NXN: variants seen among roughly 807,000 people sequenced by gnomAD.
The protein encoded by NXN is nucleoredoxin.
NXN carries 16 observed loss-of-function variants against 48.6 expected under a neutral mutation model. The observed-to-expected ratio is 0.33, with a 90% CI of 0.22 to 0.50. NXN has a LOEUF of 0.50. Ranked by LOEUF, NXN falls within the 20% of genes least tolerant of loss-of-function variation. NXN has a pLI of 0.98. For synonymous variants in NXN, 281 were observed against 269.6 expected (o/e 1.04, Z -0.41); for missense variants, 492 against 605.5 (o/e 0.81, Z 1.97).
chr17:970,461 A>G (rs189548698), intron 1 of NXN, among the ~76,000 whole-genome samples: 1 of 152,246 alleles, frequency 6.6e-6, no homozygotes, highest in East Asian at 1.9e-4. Flanking sequence ...CTTAGAAAAA[A>G]AAACACCACC....
chr17:901,045 C>T lies in NXN; in HGVS notation c.361-74967G>A, dbSNP rs146242827. Among the ~76,000 whole-genome samples the T allele has an allele frequency of 5.3e-5, 8 of 151,676 alleles. No individual in the cohort carries two copies. The East Asian group carries it at 7.8e-4, about 15-fold the overall frequency. ...AAGTGATTCTCGTGCCTCAGCCTCC[C>T]GAGTAGCTGGGATTGCAGGCATCCA... On this transcript the variant is annotated intron_variant, in intron 1 of 7. Coordinates refer to ENST00000336868, the MANE Select transcript of NXN (RefSeq NM_022463.5).
At chr17:944,141 A>G (rs2069015517) in intron 1 of NXN, among the ~76,000 whole-genome samples, 1 of 151,906 alleles carries the variant, frequency 6.6e-6, no homozygotes, top group South Asian at 2.1e-4. Context: ...CGGGAGGCTG[A>G]GACAGGAGAA....
chr17:812,769 T>G (rs1313581565), intron 5 of NXN, among the ~76,000 whole-genome samples: 1 of 145,098 alleles, frequency 6.9e-6, no homozygotes, highest in Non-Finnish European at 1.5e-5. Context: ...TATGTGTGAG[T>G]GTAGGTGTGT....
Position 839,894 on chromosome 17 carries a change from C to T in NXN, c.361-13816G>A, listed in dbSNP as rs962766797. 7.3e-5 allele frequency among the ~76,000 whole-genome samples: 11 copies of T among 150,690 alleles called. 1 individual carries two copies. Among genetic ancestry groups the T allele is most frequent in the Admixed American group, 6.0e-4 (9 of 15,042 alleles). On this transcript the variant is annotated intron_variant, in intron 1 of 7. Coordinates refer to ENST00000336868, the MANE Select transcript of NXN (RefSeq NM_022463.5). ...GGCAGATTACCTGAGGTCAGGAGTT[C>T]GAGACCAGCCTGGCCAACATGGTGA...
intron 1 of NXN, among the ~76,000 whole-genome samples, chr17:907,330 G>A (rs1031093073): frequency 2.9e-5 from 4 of 136,086 alleles, no homozygotes; most frequent in African/African-American, 1.1e-4. Context: ...GAGAAGTGAT[G>A]TCTCAATACC....
At chr17:823,514 C>G in intron 3 of NXN, 118 bp downstream of exon 3, 1 of 1,178,568 alleles carries the variant, frequency 8.5e-7, no homozygotes. Context: ...CAGGAGAAGG[C>G]CAGAAGGCCG....
At chr17:940,374 G>A (rs560634131) in intron 1 of NXN, among the ~76,000 whole-genome samples, 5 of 152,118 alleles carry the variant, frequency 3.3e-5, no homozygotes, top group Admixed American at 1.3e-4. Flanking sequence ...GATTACAGGC[G>A]TGAGCCATTG....
chr17:898,535 G>A lies in NXN; in HGVS notation c.361-72457C>T, dbSNP rs148239435. 8.8e-5 allele frequency among the ~76,000 whole-genome samples: 6 copies of A among 68,012 alleles called. 2 individuals carry two copies. Among genetic ancestry groups the A allele is most frequent in the Non-Finnish European group, 1.8e-4 (4 of 22,268 alleles). The allele number at this position is 68,012 out of a possible 152,430, so 44.6% of individuals were successfully genotyped here. A position where few individuals can be genotyped will look rare whatever the true frequency, so the allele number is the denominator to read the frequency against. On this transcript the variant is annotated intron_variant, in intron 1 of 7. Coordinates refer to ENST00000336868, the MANE Select transcript of NXN (RefSeq NM_022463.5). ...TTTACCTACTAACTCTTACTCTGCC[G>A]TCAGGAACTCGTCCGGACGCCATCT...
At chr17:824,186 C>G (rs141020592) in intron 2 of NXN, among the ~76,000 whole-genome samples, 25,571 of 151,988 alleles carry the variant, frequency 0.17, 2,186 homozygotes, top group Non-Finnish European at 0.17. Flanking sequence ...ACTACAGGTG[C>G]CCGCCACCAG....
In NXN at chr17:811,377, C is replaced by T. The variant is rs138646420; in HGVS notation, c.821-6130G>A. ...CAAAGAGTGCCGTGCTCCCTGGCAG[C>T]CGAGGATGACTCAGACAACTGCTAA... On this transcript the variant is annotated intron_variant, in intron 5 of 7. Transcript: ENST00000336868. 6.6e-5 allele frequency among the ~76,000 whole-genome samples: 10 copies of T among 152,350 alleles called. No homozygotes were observed. In the East Asian group the frequency reaches 1.9e-3, roughly 29 times the overall value.
intron 1 of NXN, among the ~76,000 whole-genome samples, chr17:978,000 T>C (rs1451779861): frequency 1.3e-5 from 2 of 152,230 alleles, no homozygotes; most frequent in African/African-American, 4.8e-5. Flanking sequence ...ACTTTAAATC[T>C]CGAATCTCTA....
intron 1 of NXN, among the ~76,000 whole-genome samples, chr17:868,445 A>C (rs1298665862): frequency 6.6e-6 from 1 of 151,114 alleles, no homozygotes; most frequent in Non-Finnish European, 1.5e-5. Context: ...CTCCCCAAGC[A>C]CAGAAACTAC....
At chr17:962,760 T>C (rs975815858) in intron 1 of NXN, among the ~76,000 whole-genome samples, 3 of 152,108 alleles carry the variant, frequency 2.0e-5, no homozygotes, top group Admixed American at 1.3e-4. Context: ...TTTGTCCCCA[T>C]ATACATCTGA....
intron 1 of NXN, among the ~76,000 whole-genome samples, chr17:883,885 G>T (rs908065736): frequency 1.3e-5 from 2 of 152,140 alleles, no homozygotes; most frequent in African/African-American, 2.4e-5. Flanking sequence ...GCCAGCCTGA[G>T]CAACATATGC....
At chr17:813,229 C>T (rs1168876732) in intron 5 of NXN, among the ~76,000 whole-genome samples, 1 of 152,246 alleles carries the variant, frequency 6.6e-6, no homozygotes, top group Non-Finnish European at 1.5e-5. Flanking sequence ...TCGGCCCAGC[C>T]TGGCCACATT....
At chr17:968,150 T>C (rs2069329029) in intron 1 of NXN, among the ~76,000 whole-genome samples, 1 of 137,526 alleles carries the variant, frequency 7.3e-6, no homozygotes, top group Non-Finnish European at 1.5e-5. Flanking sequence ...TTCAAGATCA[T>C]TGAGGAGGTG....
In NXN at chr17:831,000, C is replaced by CA. The variant is rs567432488; in HGVS notation, c.361-4923dup. 0.45 allele frequency among the ~76,000 whole-genome samples: 48,565 copies of CA among 107,714 alleles called. 8,836 individuals are homozygous for CA. Among genetic ancestry groups the CA allele is most frequent in the East Asian group, 0.58 (2,293 of 3,982 alleles). The allele number at this position is 107,714 out of a possible 152,430, so 70.7% of individuals were successfully genotyped here. A position where few individuals can be genotyped will look rare whatever the true frequency, so the allele number is the denominator to read the frequency against. On this transcript the variant is annotated intron_variant, in intron 1 of 7. Coordinates refer to ENST00000336868, the MANE Select transcript of NXN (RefSeq NM_022463.5). The surrounding 1 kb of genome is among the most constrained non-coding windows in gnomAD (Gnocchi z 4.2). ...GGGCAACAAGAGCGAAACTCCGTCTCAAAAAAAAAAAAAAAACATGCTCTA... is the reference window on the plus strand; with the variant it reads ...GGGCAACAAGAGCGAAACTCCGTCTCAAAAAAAAAAAAAAAAACATGCTCTA...
chr17:871,656 C>T (rs887143737), intron 1 of NXN, among the ~76,000 whole-genome samples: 12 of 152,074 alleles, frequency 7.9e-5, no homozygotes, highest in Admixed American at 7.2e-4. Context: ...CCACCTGCCT[C>T]AGCCTCCCAA....
intron 1 of NXN, among the ~76,000 whole-genome samples, chr17:931,085 A>G (rs1438215858): frequency 6.6e-6 from 1 of 152,088 alleles, no homozygotes; most frequent in Non-Finnish European, 1.5e-5. Context: ...TTTGCTTTTA[A>G]GGGAGCTAAA....
Sources: allele counts gnomAD v4.1 joint callset (sites outside exome capture counted in the v4.1 genomes callset), GRCh38; gene constraint gnomAD v4.1.1; non-coding constraint Gnocchi (gnomAD v3.1); transcripts MANE v1.5; gene names NCBI Gene and HGNC (gene_info 2026-07-23, HGNC 2026-07-21).